INSR: variants seen among roughly 807,000 people sequenced by gnomAD.
INSR encodes IR.
In INSR, 67 loss-of-function variants were observed where a neutral mutation model predicts 142.6. The ratio of observed to expected loss-of-function variants is 0.47; its 90% CI spans 0.39 to 0.58. The LOEUF is 0.58. Among genes scored for constraint, INSR ranks in the 20% least tolerant of loss-of-function variants. The pLI is 0.00. For synonymous variants in INSR, 756 were observed against 743.1 expected (o/e 1.02, Z -0.28); for missense variants, 1,248 against 1,833.2 (o/e 0.68, Z 5.83).
At chr19:7,191,865 A>T (rs4804374) in intron 2 of INSR, among the ~76,000 whole-genome samples, 1 of 148,700 alleles carries the variant, frequency 6.7e-6, no homozygotes, top group African/African-American at 2.5e-5. Context: ...GAGAGAGTGA[A>T]AGAAGGAGGG....
At chr19:7,242,961 C>T (rs1432502494) in intron 2 of INSR, among the ~76,000 whole-genome samples, 3 of 151,916 alleles carry the variant, frequency 2.0e-5, no homozygotes, top group Admixed American at 6.6e-5. Context: ...TTTTGGGAAG[C>T]GGGACAGATT....
chr19:7,168,345 A>C lies in INSR; in HGVS notation c.1484-251T>G, dbSNP rs374741003. The stretch of plus-strand genomic sequence containing the variant: ...CTTGACTCAGCCAGACAGTCAACTG[A>C]ATAAGCGCAGTCTGTACCCGCGCAA... On this transcript the variant is annotated intron_variant, in intron 6 of 21. Coordinates refer to ENST00000302850, the MANE Select transcript of INSR (RefSeq NM_000208.4). The surrounding 1 kb of genome is among the most constrained non-coding windows in gnomAD (Gnocchi z 4.3). 1.4e-4 allele frequency among the ~76,000 whole-genome samples: 22 copies of C among 152,326 alleles called. No individual in the cohort carries two copies. The highest frequency in any genetic ancestry group is 4.6e-4 in the African/African-American group (19 of 41,572).
At chr19:7,179,309 G>T (rs8112883) in intron 3 of INSR, among the ~76,000 whole-genome samples, 39,510 of 152,122 alleles carry the variant, frequency 0.26, 5,407 homozygotes, top group Non-Finnish European at 0.29. Flanking sequence ...CAGAAGTGTG[G>T]GTGGCTGGGG....
Position 7,216,025 on chromosome 19 carries a change from T to C in INSR, c.653-31388A>G, listed in dbSNP as rs1568491780. Reference sequence around the variant, plus strand: ...TGGTCTCACCTGAGGGAAAAGTGGCTAAGAAGATGGAAGCAGGCTGGGCAC... The same window carrying C: ...TGGTCTCACCTGAGGGAAAAGTGGCCAAGAAGATGGAAGCAGGCTGGGCAC... On this transcript the variant is annotated intron_variant, in intron 2 of 21. Transcript: ENST00000302850. The surrounding 1 kb of genome is among the most constrained non-coding windows in gnomAD (Gnocchi z 4.2). 1.3e-5 allele frequency among the ~76,000 whole-genome samples: 2 copies of C among 151,688 alleles called. No individual in the cohort carries two copies. Among genetic ancestry groups the C allele is most frequent in the African/African-American group, 4.8e-5 (2 of 41,274 alleles).
intron 2 of INSR, among the ~76,000 whole-genome samples, chr19:7,228,411 G>A (rs1975854192): frequency 6.6e-6 from 1 of 152,186 alleles, no homozygotes; most frequent in Admixed American, 6.6e-5. Context: ...TTTACTCAGT[G>A]AGGCTAAAGA....
chr19:7,221,378 A>AAGGAGGACGAGGAGG (rs1568495315), intron 2 of INSR, among the ~76,000 whole-genome samples: 2 of 140,058 alleles, frequency 1.4e-5, no homozygotes, highest in Non-Finnish European at 3.1e-5. Context: ...TGTCAAAAAA[A>AAGGAGGACGAGGAGG]AGGAGGAGGA....
At chr19:7,180,084 C>T (rs931065924) in intron 3 of INSR, among the ~76,000 whole-genome samples, 3 of 152,162 alleles carry the variant, frequency 2.0e-5, no homozygotes, top group Admixed American at 6.5e-5. Context: ...TAAACAGGCC[C>T]AGGCCAGACA....
intron 2 of INSR, among the ~76,000 whole-genome samples, chr19:7,185,060 C>T (rs928159724): frequency 1.3e-5 from 2 of 152,136 alleles, no homozygotes; most frequent in Non-Finnish European, 2.9e-5. Flanking sequence ...CAAAATGTAT[C>T]TACTATTGAC....
At chr19:7,163,705 TG>T (rs1202168904) in intron 8 of INSR, among the ~76,000 whole-genome samples, 1 of 151,856 alleles carries the variant, frequency 6.6e-6, no homozygotes, top group Non-Finnish European at 1.5e-5. Flanking sequence ...TTCTGAAAAC[TG>T]TAAGTCTTTT....
rs1182212320 is a variant in INSR, at chr19:7,225,773, G to C, written c.653-41136C>G. On this transcript the variant is annotated intron_variant, in intron 2 of 21. Coordinates refer to ENST00000302850, the MANE Select transcript of INSR (RefSeq NM_000208.4). The surrounding 1 kb of genome is among the most constrained non-coding windows in gnomAD (Gnocchi z 4.7). ...CCCCATTCCAGCACCCTGGTCCAGG[G>C]GTCCTCAAATGGAGGCGATTCTGCC... Among the ~76,000 whole-genome samples the C allele has an allele frequency of 1.3e-5, 2 of 152,108 alleles. No individual in the cohort carries two copies. Among genetic ancestry groups the C allele is most frequent in the Non-Finnish European group, 2.9e-5 (2 of 68,022 alleles).
At chr19:7,207,270 G>T (rs1975129714) in intron 2 of INSR, among the ~76,000 whole-genome samples, 1 of 152,016 alleles carries the variant, frequency 6.6e-6, no homozygotes, top group South Asian at 2.1e-4. Context: ...AGAAAAATTA[G>T]CCAGGCATGG....
rs1599926085 is a variant in INSR at position 7,159,566 on chromosome 19, G to T, written c.2029+3466C>A. On this transcript the variant is annotated intron_variant, in intron 9 of 21. Coordinates refer to ENST00000302850, the MANE Select transcript of INSR (RefSeq NM_000208.4). The surrounding 1 kb of genome is among the most constrained non-coding windows in gnomAD (Gnocchi z 4.3). ...AAAGGAAGCTTCGAGTGACATTACT[G>T]GTGGCAGCTCTCACGGGTGGTTCTG... 6.6e-6 allele frequency: 1 copy of T among 151,872 alleles called. No individual in the cohort carries two copies. The highest frequency in any genetic ancestry group is 1.5e-5 in the Non-Finnish European group (1 of 68,026). 9.4% of individuals were successfully genotyped at this position (151,872 alleles called of 1,614,324 possible).
intron 13 of INSR, 98 bp downstream of exon 13, chr19:7,141,579 T>A: frequency 6.4e-7 from 1 of 1,550,460 alleles, no homozygotes; most frequent in Non-Finnish European, 8.8e-7. Flanking sequence ...AGAGAAGCAC[T>A]GGAATCAAAA....
chr19:7,198,349 G>A (rs887992257), intron 2 of INSR, among the ~76,000 whole-genome samples: 5 of 152,066 alleles, frequency 3.3e-5, no homozygotes, highest in East Asian at 1.9e-4. Context: ...AGGAAAGGGC[G>A]CCCTGGGAGG....
chr19:7,122,604 C>T lies in INSR; in HGVS notation c.3529+10G>A. 1 of 1,614,146 alleles carries T rather than the reference C, an allele frequency of 6.2e-7. No individual in the cohort carries two copies. The highest frequency in any genetic ancestry group is 1.3e-5 in the African/African-American group (1 of 75,040). On this transcript the variant is annotated intron_variant, in intron 19 of 21. Coordinates refer to ENST00000302850, the MANE Select transcript of INSR (RefSeq NM_000208.4). The stretch of plus-strand genomic sequence containing the variant: ...GTCGTTATGTTTTCAAAGCAGAAAG[C>T]CAGACGAACCTCCAATTTTGACAGT...
intron 19 of INSR, 55 bp from the exon 20 acceptor site, chr19:7,120,804 TGC>T: frequency 6.2e-7 from 1 of 1,603,136 alleles, no homozygotes; most frequent in Non-Finnish European, 8.5e-7. Flanking sequence ...TCCTAGCATC[TGC>T]CACCTTGACT....
chr19:7,259,345 G>A (rs994036209), intron 2 of INSR, among the ~76,000 whole-genome samples: 3 of 152,014 alleles, frequency 2.0e-5, no homozygotes, highest in African/African-American at 7.2e-5. Flanking sequence ...TGGGGTGCGC[G>A]GCGGAAGGGG....
chr19:7,116,126 T>TTC lies in INSR; in HGVS notation c.*929_*930insGA, dbSNP rs1364307293. ...CCATTTTGTTTTTTCTTTCTTTTTC[T>TTC]TTTTTTTTTTTTAATGTCCTAGCTT... On this transcript the variant is annotated 3_prime_UTR_variant, in exon 22 of 22. Coordinates refer to ENST00000302850, the MANE Select transcript of INSR (RefSeq NM_000208.4). 5 of 1,976 alleles carry TTC rather than the reference T, an allele frequency of 2.5e-3. No homozygotes were observed. The highest frequency in any genetic ancestry group is 5.1e-3 in the Non-Finnish European group (4 of 788). The allele number at this position is 1,976 out of a possible 1,614,324, so 0.1% of individuals were successfully genotyped here.
At chr19:7,178,586 G>C (rs538083430) in intron 3 of INSR, among the ~76,000 whole-genome samples, 1 of 152,076 alleles carries the variant, frequency 6.6e-6, no homozygotes, top group African/African-American at 2.4e-5. Flanking sequence ...GTGCGTGATG[G>C]TGCATGCCTG....
Sources: allele counts gnomAD v4.1 joint callset (sites outside exome capture counted in the v4.1 genomes callset), GRCh38; gene constraint gnomAD v4.1.1; non-coding constraint Gnocchi (gnomAD v3.1); transcripts MANE v1.5; gene names NCBI Gene and HGNC (gene_info 2026-07-23, HGNC 2026-07-21).